The following PPARD variants were observed in gnomAD, a reference collection of about 807,000 sequenced individuals.
PPARD encodes the protein peroxisome proliferator activated receptor delta.
PPARD carries 6 observed loss-of-function variants against 39.5 expected under a neutral mutation model. The observed-to-expected ratio is 0.15, with a 90% confidence interval of 0.08 to 0.30. PPARD has a LOEUF of 0.30. Ranked by LOEUF, PPARD falls within the 10% of genes least tolerant of loss-of-function variation. The pLI is 1.00. For missense variants in PPARD, 397 were observed against 596.8 expected (o/e 0.67, Z 3.49); for synonymous variants, 210 against 231.3 (o/e 0.91, Z 0.83).
chr6:35,386,188 A>C (rs1016683185), intron 2 of PPARD, among the ~76,000 whole-genome samples: 3 of 151,954 alleles, frequency 2.0e-5, no homozygotes, highest in Non-Finnish European at 2.9e-5. Flanking sequence ...ATGGGAGGAG[A>C]AAGCAGTGTT....
rs1766527749 is a variant in PPARD at position 35,425,747 on chromosome 6, C to T, written c.1079-85C>T. On this transcript the variant is annotated intron_variant, in intron 7 of 7. Transcript: ENST00000360694. The surrounding 1 kb of genome is among the most constrained non-coding windows in gnomAD (Gnocchi z 4.5). ...GTCACGGCCAAGGAGGCCTGCCGTC[C>T]CCTGGGCCAAGTCACCTCTTGGGGT... 4 of 1,559,448 alleles carry T rather than the reference C, an allele frequency of 2.6e-6. No homozygotes were observed. Among genetic ancestry groups the T allele is most frequent in the Admixed American group, 1.7e-5 (1 of 57,590 alleles).
chr6:35,380,472 G>GTT (rs1763082033), intron 2 of PPARD, among the ~76,000 whole-genome samples: 1 of 31,322 alleles, frequency 3.2e-5, no homozygotes, highest in Non-Finnish European at 9.3e-5. Flanking sequence ...TTTTTTTTTT[G>GTT]TTTGTTTTTT....
At chr6:35,351,082 G>A (rs1761221167) in intron 2 of PPARD, among the ~76,000 whole-genome samples, 1 of 152,154 alleles carries the variant, frequency 6.6e-6, no homozygotes, top group South Asian at 2.1e-4. Flanking sequence ...CTGGAGTGCA[G>A]TGGCACAATC....
At position 35,425,819 on chromosome 6, in the gene PPARD, T is replaced by C. The variant is rs1299596732; in HGVS notation, c.1079-13T>C. The stretch of plus-strand genomic sequence containing the variant: ...CCTTTCTGAGCTCCCTGGCGTGCCC[T>C]GTGTCCCCACAGACCGGCCAGGCCT... On this transcript the variant is annotated splice_polypyrimidine_tract_variant and intron_variant, in intron 7 of 7. Transcript: ENST00000360694. This position sits in a 1 kb window ranked among gnomAD's most constrained non-coding sequence, Gnocchi z 4.5. 2 of 1,613,166 alleles carry C rather than the reference T, an allele frequency of 1.2e-6. No individual in the cohort carries two copies. The highest frequency in any genetic ancestry group is 1.1e-5 in the South Asian group (1 of 91,056).
intron 2 of PPARD, among the ~76,000 whole-genome samples, chr6:35,355,697 C>T (rs1374297158): frequency 2.1e-4 from 30 of 144,922 alleles, no homozygotes; most frequent in Middle Eastern, 3.7e-3. Context: ...CTGCAAGCTC[C>T]GCCTCCCAGG....
At chr6:35,395,509 A>G (rs771659064) in intron 2 of PPARD, among the ~76,000 whole-genome samples, 5 of 152,184 alleles carry the variant, frequency 3.3e-5, no homozygotes, top group Non-Finnish European at 5.9e-5. Context: ...TAGGAGCCAC[A>G]CATCAAGAGG....
intron 2 of PPARD, among the ~76,000 whole-genome samples, chr6:35,404,953 TTGTG>T (rs59359748): frequency 0.5 from 70,338 of 142,008 alleles, 19,564 homozygotes; most frequent in Non-Finnish European, 0.62. Flanking sequence ...ACTGCAGGCT[TTGTG>T]TGTGTGTGTG....
chr6:35,373,584 G>A (rs901822345), intron 2 of PPARD, among the ~76,000 whole-genome samples: 5 of 152,110 alleles, frequency 3.3e-5, no homozygotes, highest in Admixed American at 2.0e-4. Flanking sequence ...CTGTTGGTAC[G>A]TCTCTTGTGG....
intron 2 of PPARD, among the ~76,000 whole-genome samples, chr6:35,370,325 G>T (rs1437983436): frequency 6.6e-6 from 1 of 152,142 alleles, no homozygotes. Context: ...GTGTTGTCTG[G>T]CCACTTCCTC....
rs932327932 is a variant in PPARD at position 35,366,952 on chromosome 6, T to C, written c.-102+19802T>C. On this transcript the variant is annotated intron_variant, in intron 2 of 7. Transcript: ENST00000360694. This position sits in a 1 kb window ranked among gnomAD's most constrained non-coding sequence, Gnocchi z 4.6. ...ATGGTCTTGCGTATGGCCAGACTTATGACTTGCGTATGGTCATAAAGGTAG... is the reference window on the plus strand; with the variant it reads ...ATGGTCTTGCGTATGGCCAGACTTACGACTTGCGTATGGTCATAAAGGTAG... Among the ~76,000 whole-genome samples, 7 of 152,244 alleles carry C rather than the reference T, an allele frequency of 4.6e-5. No individual in the cohort carries two copies. The highest frequency in any genetic ancestry group is 1.0e-4 in the Non-Finnish European group (7 of 68,034).
intron 2 of PPARD, among the ~76,000 whole-genome samples, chr6:35,375,368 C>G (rs979014747): frequency 6.6e-6 from 1 of 152,014 alleles, no homozygotes; most frequent in Non-Finnish European, 1.5e-5. Context: ...CAGGCACGTG[C>G]CACCACACGC....
At chr6:35,369,028 C>T (rs930171828) in intron 2 of PPARD, among the ~76,000 whole-genome samples, 2 of 152,146 alleles carry the variant, frequency 1.3e-5, no homozygotes, top group African/African-American at 4.8e-5. Context: ...AGTCTTGTGC[C>T]TTGGACATAC....
chr6:35,391,643 AGAC>A (rs1285825040), intron 2 of PPARD, among the ~76,000 whole-genome samples: 3 of 152,238 alleles, frequency 2.0e-5, no homozygotes, highest in Non-Finnish European at 2.9e-5. Context: ...TTAGGAAAAG[AGAC>A]GACTGTTTTC....
At position 35,424,819 on chromosome 6, in the gene PPARD, C is replaced by T. The variant is rs1343983305; in HGVS notation, c.1078+40C>T. ...GGCAGGTGGGCTGGCCTGGCACACC[C>T]AGTCGTCCTGGGGGTTGGCCCTCAC... On this transcript the variant is annotated intron_variant, in intron 7 of 7. Transcript: ENST00000360694. This position sits in a 1 kb window ranked among gnomAD's most constrained non-coding sequence, Gnocchi z 7.1. The T allele has an allele frequency of 1.9e-6, 3 of 1,597,324 alleles. No individual in the cohort carries two copies. In the African/African-American group the frequency reaches 4.0e-5, roughly 21 times the overall value.
At chr6:35,384,519 G>T (rs1205435264) in intron 2 of PPARD, among the ~76,000 whole-genome samples, 2 of 108,964 alleles carry the variant, frequency 1.8e-5, no homozygotes, top group African/African-American at 8.9e-5. Flanking sequence ...CAGCCGCCCC[G>T]TCCGGGAGGT....
intron 2 of PPARD, among the ~76,000 whole-genome samples, chr6:35,399,914 A>G (rs189847760): frequency 6.6e-6 from 1 of 152,266 alleles, no homozygotes; most frequent in East Asian, 1.9e-4. Context: ...TTCCTCTATT[A>G]TTGGGCATTG....
At chr6:35,385,647 A>T (rs10947545) in intron 2 of PPARD, among the ~76,000 whole-genome samples, 11 of 11,200 alleles carry the variant, frequency 9.8e-4, no homozygotes, top group East Asian at 4.3e-3. Context: ...AAATAAATTT[A>T]AAAAAAAAAA....
chr6:35,417,602 G>A (rs1398650377), intron 3 of PPARD, among the ~76,000 whole-genome samples: 1 of 151,408 alleles, frequency 6.6e-6, no homozygotes, highest in African/African-American at 2.4e-5. Context: ...TCAGCTCACT[G>A]CAGCCTCCGC....
At position 35,390,320 on chromosome 6, in the gene PPARD, T is replaced by C. The variant is rs1016468425; in HGVS notation, c.-101-20667T>C. ...GGCAGGCTGTGTTTTACTCCTTTTG[T>C]CATCTCTCCCCATAGGGGTCTAGGT... is the stretch of plus-strand genomic sequence containing the variant. On this transcript the variant is annotated intron_variant, in intron 2 of 7. Coordinates refer to ENST00000360694, the MANE Select transcript of PPARD (RefSeq NM_006238.5). Among the ~76,000 whole-genome samples, 5 of 152,240 alleles carry C rather than the reference T, an allele frequency of 3.3e-5. No homozygotes were observed. The East Asian group carries it at 9.6e-4, about 29-fold the overall frequency.
Sources: allele counts gnomAD v4.1 joint callset (sites outside exome capture counted in the v4.1 genomes callset), GRCh38; gene constraint gnomAD v4.1.1; non-coding constraint Gnocchi (gnomAD v3.1); transcripts MANE v1.5; gene names NCBI Gene and HGNC (gene_info 2026-07-23, HGNC 2026-07-21).